The following PPARGC1A variants were observed in gnomAD, a reference collection of about 807,000 sequenced individuals.
The protein encoded by PPARGC1A is peroxisome proliferator-activated receptor gamma coactivator 1-alpha.
A neutral mutation model predicts 88.7 loss-of-function variants in PPARGC1A; 25 were observed. The observed-to-expected ratio is 0.28, with a 90% CI of 0.21 to 0.39. The LOEUF is 0.39. Ranked by LOEUF, PPARGC1A falls within the 10% of genes least tolerant of loss-of-function variation. The pLI is 1.00. For missense variants in PPARGC1A, 880 were observed against 968.7 expected (o/e 0.91, Z 1.22); for synonymous variants, 363 against 355.6 (o/e 1.02, Z -0.24).
the PPARGC1A span, among the ~76,000 whole-genome samples, chr4:24,123,992 G>A: frequency 6.6e-6 from 1 of 151,754 alleles, no homozygotes; most frequent in Non-Finnish European, 1.5e-5. Flanking sequence ...AAAGTATTGA[G>A]ATTGGGTGAC....
chr4:23,812,585 T>C (rs747703935), intron 10 of PPARGC1A, among the ~76,000 whole-genome samples, 162 bp downstream of exon 10: 1 of 152,154 alleles, frequency 6.6e-6, no homozygotes, highest in African/African-American at 2.4e-5. Context: ...GTTAGGTCAA[T>C]GGGGACCGAA....
At chr4:23,984,678 G>C in the PPARGC1A span, among the ~76,000 whole-genome samples, 9 of 152,152 alleles carry the variant, frequency 5.9e-5, no homozygotes, top group Admixed American at 1.3e-4. Flanking sequence ...TTCAAAAAAG[G>C]CTTTTCTATA....
At chr4:23,940,134 C>T in the PPARGC1A span, among the ~76,000 whole-genome samples, 1 of 152,186 alleles carries the variant, frequency 6.6e-6, no homozygotes, top group East Asian at 1.9e-4. Flanking sequence ...GGTCTTCCTT[C>T]AATAATTAAT....
At chr4:24,229,338 G>T in the PPARGC1A span, among the ~76,000 whole-genome samples, 1 of 149,640 alleles carries the variant, frequency 6.7e-6, no homozygotes, top group Non-Finnish European at 1.5e-5. Context: ...TAATAGAGAC[G>T]GGGTTTCACC....
chr4:24,447,152 T>G, the PPARGC1A span, among the ~76,000 whole-genome samples: 1 of 152,106 alleles, frequency 6.6e-6, no homozygotes, highest in Non-Finnish European at 1.5e-5. Context: ...GAAGTAACTG[T>G]TAACACTCTC....
At chr4:23,915,018 G>A in the PPARGC1A span, among the ~76,000 whole-genome samples, 1 of 152,032 alleles carries the variant, frequency 6.6e-6, no homozygotes, top group Non-Finnish European at 1.5e-5. Context: ...AACATTCATG[G>A]CTCCCAGTAA....
At chr4:24,259,089 C>T in the PPARGC1A span, among the ~76,000 whole-genome samples, 1 of 152,152 alleles carries the variant, frequency 6.6e-6, no homozygotes, top group Non-Finnish European at 1.5e-5. Flanking sequence ...AGACACCAAT[C>T]CCAGAAAGAT....
At chr4:24,053,122 C>T in the PPARGC1A span, among the ~76,000 whole-genome samples, 1 of 151,512 alleles carries the variant, frequency 6.6e-6, no homozygotes, top group East Asian at 1.9e-4. Context: ...CCGCCCGCCT[C>T]GGCCTCCCAA....
At chr4:24,189,306 A>T in the PPARGC1A span, among the ~76,000 whole-genome samples, 1 of 152,220 alleles carries the variant, frequency 6.6e-6, no homozygotes, top group East Asian at 1.9e-4. Context: ...TTTCTATGCT[A>T]TGTGTATTTT....
chr4:24,340,614 T>C, the PPARGC1A span, among the ~76,000 whole-genome samples: 1 of 152,176 alleles, frequency 6.6e-6, no homozygotes, highest in Non-Finnish European at 1.5e-5. Context: ...GGTGACTAAA[T>C]TAATATCACC....
At chr4:24,436,450 T>C in the PPARGC1A span, among the ~76,000 whole-genome samples, 1 of 150,840 alleles carries the variant, frequency 6.6e-6, no homozygotes, top group South Asian at 2.1e-4. Context: ...CTGACATCGA[T>C]TGGCCATCCC....
the PPARGC1A span, among the ~76,000 whole-genome samples, chr4:24,241,005 G>A: frequency 6.6e-6 from 1 of 152,180 alleles, no homozygotes; most frequent in Admixed American, 6.5e-5. Flanking sequence ...GGGGTGGCAG[G>A]AAGACAGAGA....
At chr4:23,877,745 G>T (rs1260106718) in intron 2 of PPARGC1A, 2 of 152,144 alleles carry the variant, frequency 1.3e-5, no homozygotes, top group Non-Finnish European at 2.9e-5. Context: ...GATAGGGAAT[G>T]GTGGAGGAAC....
At chr4:24,058,019 G>C in the PPARGC1A span, among the ~76,000 whole-genome samples, 7 of 152,192 alleles carry the variant, frequency 4.6e-5, no homozygotes, top group Non-Finnish European at 1.0e-4. Flanking sequence ...CAACCTGCTG[G>C]AAACAGCCCC....
the PPARGC1A span, among the ~76,000 whole-genome samples, chr4:24,359,940 G>C: frequency 6.6e-6 from 1 of 152,116 alleles, no homozygotes; most frequent in Admixed American, 6.5e-5. Flanking sequence ...ACAGCAGCCC[G>C]AGGAAACTAA....
the PPARGC1A span, among the ~76,000 whole-genome samples, chr4:24,302,687 A>G: frequency 1.3e-5 from 2 of 152,234 alleles, no homozygotes; most frequent in Non-Finnish European, 2.9e-5. Context: ...TCCGTAATCA[A>G]GTCCAGCAGC....
the PPARGC1A span, among the ~76,000 whole-genome samples, chr4:24,033,934 T>C: frequency 6.6e-6 from 1 of 152,234 alleles, no homozygotes; most frequent in Non-Finnish European, 1.5e-5. Context: ...ATAGCATTCA[T>C]ATTAAAATGG....
At chr4:23,944,309 G>A in the PPARGC1A span, among the ~76,000 whole-genome samples, 1 of 152,042 alleles carries the variant, frequency 6.6e-6, no homozygotes, top group South Asian at 2.1e-4. Flanking sequence ...ATAAATATGT[G>A]GACCCCCTCC....
At chr4:24,226,151 T>C in the PPARGC1A span, among the ~76,000 whole-genome samples, 1 of 152,138 alleles carries the variant, frequency 6.6e-6, no homozygotes, top group African/African-American at 2.4e-5. Context: ...CGCCTGACAC[T>C]AAATACCAGT....
Sources: gnomAD v4.1 joint callset for allele counts (sites outside exome capture counted in the v4.1 genomes callset) on GRCh38, gnomAD v4.1.1 for gene constraint, MANE v1.5 for transcripts, NCBI Gene and HGNC (gene_info 2026-07-23, HGNC 2026-07-21) for gene names.